Variants in OCIAD2 observed in about 807,000 individuals in gnomAD.
OCIAD2 encodes OCIA domain containing 2.
In OCIAD2, 29 loss-of-function variants were observed where a neutral mutation model predicts 22.9. The observed-to-expected ratio is 1.27, with a 90% CI of 0.94 to 1.73. OCIAD2 has a LOEUF of 1.73. Ranked by LOEUF, OCIAD2 falls within the 40% of genes most tolerant of loss-of-function variation. OCIAD2 has a pLI of 0.00. For synonymous variants in OCIAD2, 67 were observed against 60.2 expected, an observed-to-expected ratio of 1.11 and a Z score of -0.52; for missense variants, 189 against 180.3, an observed-to-expected ratio of 1.05 and a Z score of -0.28.
intron 6 of OCIAD2, among the ~76,000 whole-genome samples, chr4:48,889,940 G>A (rs1237669422): frequency 1.3e-5 from 2 of 152,170 alleles, no homozygotes; most frequent in African/African-American, 4.8e-5. Flanking sequence ...AAAAGGATGA[G>A]CTCATGTCCT....
At chr4:48,905,653 T>C (rs1445339645) in intron 1 of OCIAD2, among the ~76,000 whole-genome samples, 1 of 152,244 alleles carries the variant, frequency 6.6e-6, no homozygotes, top group Non-Finnish European at 1.5e-5. Flanking sequence ...TCTGCTTTTC[T>C]TCTGCAAAAT....
At position 48,888,767 on chromosome 4, in the gene OCIAD2, T is replaced by C. The variant is rs563694068; in HGVS notation, c.384-3202A>G. 2.8e-4 allele frequency among the ~76,000 whole-genome samples: 43 copies of C among 152,362 alleles called. No homozygotes were observed. The South Asian group carries it at 3.7e-3, about 13-fold the overall frequency. On this transcript the variant is annotated intron_variant, in intron 6 of 6. Transcript: ENST00000508632. ...AGTCTATTGAGGATTTTTGCATCAA[T>C]GTTCATCAGGGATATTGGTCTAAAA...
chr4:48,897,759 C>T, intron 4 of OCIAD2, 45 bp downstream of exon 4: 6 of 1,463,888 alleles, frequency 4.1e-6, no homozygotes, highest in Non-Finnish European at 5.7e-6. Flanking sequence ...TCACAGTAAA[C>T]TGGGCTCTCT....
In OCIAD2 at chr4:48,894,653, C is replaced by T. The variant is rs546891325; in HGVS notation, c.218-600G>A. ...TCAAAGACATCAAGCAAAGGTAGGG[C>T]TAACAACAGTGTTCAAAGAGATTAG... On this transcript the variant is annotated intron_variant, in intron 4 of 6. Transcript: ENST00000508632. 3.9e-5 allele frequency among the ~76,000 whole-genome samples: 6 copies of T among 152,196 alleles called. No individual in the cohort carries two copies. The South Asian group carries it at 1.2e-3, about 32-fold the overall frequency.
intron 6 of OCIAD2, among the ~76,000 whole-genome samples, chr4:48,889,862 T>C (rs1348611691): frequency 6.6e-6 from 1 of 152,070 alleles, no homozygotes; most frequent in Non-Finnish European, 1.5e-5. Flanking sequence ...AACCCAAATG[T>C]CCAACAATGA....
intron 4 of OCIAD2, among the ~76,000 whole-genome samples, chr4:48,894,698 A>T (rs184732700): frequency 4.0e-4 from 61 of 152,122 alleles, no homozygotes; most frequent in African/African-American, 1.3e-3. Flanking sequence ...TCTTTTTTTT[A>T]AAATTATACT....
chr4:48,897,597 C>A (rs574347036), intron 4 of OCIAD2, among the ~76,000 whole-genome samples: 1 of 152,190 alleles, frequency 6.6e-6, no homozygotes, highest in Non-Finnish European at 1.5e-5. Flanking sequence ...CTTTAATTTC[C>A]TTTTGCCATG....
At chr4:48,904,382 G>C (rs531314640) in intron 2 of OCIAD2, 102 bp downstream of exon 2, 2 of 998,524 alleles carry the variant, frequency 2.0e-6, no homozygotes, top group East Asian at 4.8e-5. Flanking sequence ...CCAGCAGTTC[G>C]AGACTGCAGT....
chr4:48,906,566 A>C (rs1781531135), intron 1 of OCIAD2, 92 bp downstream of exon 1: 2 of 152,770 alleles, frequency 1.3e-5, no homozygotes, highest in Non-Finnish European at 1.5e-5. Context: ...CCACCGCTGC[A>C]CCGCGCGGCC....
Position 48,887,670 on chromosome 4 carries a change from G to A in OCIAD2, c.384-2105C>T, listed in dbSNP as rs575325088. On this transcript the variant is annotated intron_variant, in intron 6 of 6. Coordinates refer to ENST00000508632, the MANE Select transcript of OCIAD2 (RefSeq NM_001014446.3). ...GTAGATATGCGGCATTATTTCTGAG[G>A]GCTCTGTTCTGTTCCATTGGTCTAT... is the stretch of plus-strand genomic sequence containing the variant. Among the ~76,000 whole-genome samples, 9 of 152,172 alleles carry A rather than the reference G, an allele frequency of 5.9e-5. No homozygotes were observed. In the South Asian group the frequency reaches 1.9e-3, roughly 32 times the overall value.
chr4:48,903,635 GTTTTTT>G (rs35445469), intron 2 of OCIAD2, among the ~76,000 whole-genome samples: 2 of 133,480 alleles, frequency 1.5e-5, no homozygotes, highest in Non-Finnish European at 3.2e-5. Context: ...TAAAGAAAGG[GTTTTTT>G]TTTTTTTTTT....
intron 3 of OCIAD2, 82 bp downstream of exon 3, chr4:48,899,747 G>T: frequency 1.1e-6 from 1 of 939,510 alleles, no homozygotes; most frequent in Non-Finnish European, 1.7e-6. Flanking sequence ...CAAAGTCTCT[G>T]CTCAAACGTA....
Position 48,902,578 on chromosome 4 carries a change from G to A in OCIAD2, c.66+1906C>T, listed in dbSNP as rs186181061. Among the ~76,000 whole-genome samples the A allele has an allele frequency of 7.2e-5, 11 of 152,296 alleles. No individual in the cohort carries two copies. In the East Asian group the frequency reaches 1.9e-3, roughly 27 times the overall value. On this transcript the variant is annotated intron_variant, in intron 2 of 6. Coordinates refer to ENST00000508632, the MANE Select transcript of OCIAD2 (RefSeq NM_001014446.3). ...ACAGGCATGCCTCCAGATGCCCAGG[G>A]TGAATATTTGCTCTTGCTCTTGGCT...
chr4:48,901,420 A>G (rs1781415413), intron 2 of OCIAD2, among the ~76,000 whole-genome samples: 2 of 152,276 alleles, frequency 1.3e-5, no homozygotes, highest in South Asian at 2.1e-4. Context: ...GGGCCTGAAC[A>G]TTCCCTTATG....
In OCIAD2 at chr4:48,887,853, A is replaced by T. The variant is rs577884417; in HGVS notation, c.384-2288T>A. Among the ~76,000 whole-genome samples the T allele has an allele frequency of 5.9e-5, 9 of 152,254 alleles. No homozygotes were observed. The South Asian group carries it at 1.9e-3, about 32-fold the overall frequency. ...TTTGGTTCCATATGAATTTTAAGGT[A>T]GTTTTTTCCAATTCTGTGAAGAAAG... On this transcript the variant is annotated intron_variant, in intron 6 of 6. Coordinates refer to ENST00000508632, the MANE Select transcript of OCIAD2 (RefSeq NM_001014446.3).
In OCIAD2 at chr4:48,897,157, A is replaced by G. The variant is rs1200606818; in HGVS notation, c.217+647T>C. 3.3e-5 allele frequency: 5 copies of G among 153,170 alleles called. No homozygotes were observed. The East Asian group carries it at 9.6e-4, about 29-fold the overall frequency. The allele number at this position is 153,170 out of a possible 1,614,324, so 9.5% of individuals were successfully genotyped here. A position where few individuals can be genotyped will look rare whatever the true frequency, so the allele number is the denominator to read the frequency against. On this transcript the variant is annotated intron_variant, in intron 4 of 6. Coordinates refer to ENST00000508632, the MANE Select transcript of OCIAD2 (RefSeq NM_001014446.3). ...TACAGGGAACCATCTGTCTAACCAT[A>G]TACAGAGGCCTTGGGAGACACAGGA...
Position 48,899,876 on chromosome 4 carries a change from A to T in OCIAD2, c.116T>A (p.Ile39Asn). ...KSKLHIHRAEISKIMRECQEE... is the reference protein window; with the variant it reads ...KSKLHIHRAENSKIMRECQEE... Reference sequence around the variant, plus strand: ...CTGACATTCTCGCATAATCTTTGAGATCTCTGCTCTGTGGATGTGCAGTTT... The same window carrying T: ...CTGACATTCTCGCATAATCTTTGAGTTCTCTGCTCTGTGGATGTGCAGTTT... Residue 39 changes from isoleucine (I) to asparagine (N), a missense_variant, in exon 3 of 7, where the codon ATC becomes AAC. Physicochemically the swap from Ile to Asn is moderately radical, Grantham distance 149. Transcript: ENST00000508632. 1 of 1,613,858 alleles carries T rather than the reference A, an allele frequency of 6.2e-7. No individual in the cohort carries two copies. Among genetic ancestry groups the T allele is most frequent in the Non-Finnish European group, 8.5e-7 (1 of 1,179,918 alleles).
At chr4:48,886,140 A>C (rs992170387) in intron 6 of OCIAD2, among the ~76,000 whole-genome samples, 2 of 152,206 alleles carry the variant, frequency 1.3e-5, no homozygotes, top group African/African-American at 4.8e-5. Context: ...AGCTTTCTAC[A>C]TATGGCTAGC....
At chr4:48,887,208 T>C (rs547575733) in intron 6 of OCIAD2, among the ~76,000 whole-genome samples, 1 of 152,318 alleles carries the variant, frequency 6.6e-6, no homozygotes, top group African/African-American at 2.4e-5. Flanking sequence ...TGTAAATTTG[T>C]TTGAGTTCTT....
Sources: allele counts gnomAD v4.1 joint callset (sites outside exome capture counted in the v4.1 genomes callset), GRCh38; gene constraint gnomAD v4.1.1; transcripts MANE v1.5; gene names NCBI Gene and HGNC (gene_info 2026-07-23, HGNC 2026-07-21).